Variants in HES5 observed in about 807,000 individuals in gnomAD.
The protein encoded by HES5 is transcription factor HES-5.
Under a neutral mutation model 9.6 loss-of-function variants are expected in HES5, and 12 were observed. The ratio of observed to expected loss-of-function variants is 1.25; its 90% CI spans 0.80 to 2.03. HES5 has a LOEUF of 2.03. Among genes scored for constraint, HES5 ranks in the 30% most tolerant of loss-of-function variants. The pLI is 0.00. For missense variants in HES5, 255 were observed against 218.6 expected, an observed-to-expected ratio of 1.17 and a Z score of -1.05; for synonymous variants, 131 against 102.4, an observed-to-expected ratio of 1.28 and a Z score of -1.69.
chr1:2,530,182 CGACGAGGCGACGCGGGGAGGCCGGGCGA>C lies in HES5; in HGVS notation c.-46_-19del. On this transcript the variant is annotated 5_prime_UTR_variant, in exon 1 of 3. Transcript: ENST00000378453. ...GGGGCCATGCCTGGCGCGGAACAGG[CGACGAGGCGACGCGGGGAGGCCGGGCGA>C]GACGAGGCGAGCGGGCGCGGGCAAG... 2.0e-6 allele frequency: 3 copies of C among 1,473,506 alleles called. No homozygotes were observed. The highest frequency in any genetic ancestry group is 2.7e-6 in the Non-Finnish European group (3 of 1,107,356). 91.3% of individuals were successfully genotyped at this position (1,473,506 alleles called of 1,614,324 possible).
rs201320010 is a variant in HES5 at position 2,529,977 on chromosome 1, T to G, written c.89A>C (p.Asp30Ala). 6.2e-7 allele frequency: 1 copy of G among 1,608,516 alleles called. No individual in the cohort carries two copies. Among genetic ancestry groups the G allele is most frequent in the Non-Finnish European group, 8.5e-7 (1 of 1,177,372 alleles). Reference protein sequence around the residue: ...RKPVVEKMRRDRINSSIEQLK... With the variant: ...RKPVVEKMRRARINSSIEQLK... ...CTGCTCGATGCTGCTGTTGATGCGG[T>G]CGCGGCGCATCTTCTCCACCACCGG... Residue 30 changes from aspartate (D) to alanine (A), a missense_variant, in exon 2 of 3, where the codon GAC becomes GCC. By Grantham distance (126) the Asp-to-Ala change is moderately radical. Transcript: ENST00000378453. This position sits in a 1 kb window ranked among gnomAD's most constrained non-coding sequence, Gnocchi z 4.5.
chr1:2,529,761 C>A lies in HES5; in HGVS notation c.221-12G>T. 3.2e-6 allele frequency: 4 copies of A among 1,237,638 alleles called. No homozygotes were observed. Among genetic ancestry groups the A allele is most frequent in the Non-Finnish European group, 3.0e-6 (3 of 984,820 alleles). 76.7% of individuals were successfully genotyped at this position (1,237,638 alleles called of 1,614,324 possible). A position where few individuals can be genotyped will look rare whatever the true frequency, so the allele number is the denominator to read the frequency against. ...GGCGGCGACGAAGGCTGCGGGGAGA[C>A]GCGGCGGCGGTGAGCGGGCGGCGGG... On this transcript the variant is annotated splice_polypyrimidine_tract_variant and intron_variant, in intron 2 of 2. Coordinates refer to ENST00000378453, the MANE Select transcript of HES5 (RefSeq NM_001010926.4). The surrounding 1 kb of genome is among the most constrained non-coding windows in gnomAD (Gnocchi z 4.5).
chr1:2,529,548 G>A lies in HES5; in HGVS notation c.422C>T (p.Pro141Leu). Residue 141 changes from proline to leucine, a missense_variant, in exon 3 of 3, where the codon CCG (proline) becomes CTG (leucine). By Grantham distance (98) the Pro-to-Leu change is moderately conservative. Coordinates refer to ENST00000378453, the MANE Select transcript of HES5 (RefSeq NM_001010926.4). The surrounding 1 kb of genome is among the most constrained non-coding windows in gnomAD (Gnocchi z 4.5). ...KEPKAPGAAP[P>L]PALSAKATAA... ...GGTGGCCTTGGCGGAGAGCGCGGGC[G>A]GGGGCGCGGCGCCCGGCGCCTTGGG... The A allele has an allele frequency of 9.3e-7, 1 of 1,072,320 alleles. No individual in the cohort carries two copies. The highest frequency in any genetic ancestry group is 6.3e-5 in the East Asian group (1 of 15,826). The allele number at this position is 1,072,320 out of a possible 1,614,324, so 66.4% of individuals were successfully genotyped here.
rs375494532 is a variant in HES5, at chr1:2,529,825, G to C, written c.220+21C>G. On this transcript the variant is annotated intron_variant, in intron 2 of 2. Transcript: ENST00000378453. This position sits in a 1 kb window ranked among gnomAD's most constrained non-coding sequence, Gnocchi z 4.5. ...GGGGCGCGGTGGGAACTCGGGGCGC[G>C]GGGGGCCCGGGCGCGCTCACCTTTG... 1 of 1,396,220 alleles carries C rather than the reference G, an allele frequency of 7.2e-7. No individual in the cohort carries two copies. Among genetic ancestry groups the C allele is most frequent in the African/African-American group, 1.5e-5 (1 of 68,346 alleles). 86.5% of individuals were successfully genotyped at this position (1,396,220 alleles called of 1,614,324 possible). A position where few individuals can be genotyped will look rare whatever the true frequency, so the allele number is the denominator to read the frequency against.
In HES5 at chr1:2,530,095, C is replaced by T; in HGVS notation, c.54+16G>A. 4 of 1,588,328 alleles carry T rather than the reference C, an allele frequency of 2.5e-6. No individual in the cohort carries two copies. Among genetic ancestry groups the T allele is most frequent in the Middle Eastern group, 1.7e-4 (1 of 5,920 alleles). On this transcript the variant is annotated intron_variant, in intron 1 of 2. Transcript: ENST00000378453. ...GAGGCCGCGGGGACAGCGCGCCGGG[C>T]GAGTCTGGTACTTACTCGGTTTTTC...
rs1306481986 is a variant in HES5, at chr1:2,529,145, G to GC, written c.*323dup. ...ACAGGCTGGGGGCAGCAGTGTGCGA[G>GC]CCCCGGCACTACAAATATCATAGAA... On this transcript the variant is annotated 3_prime_UTR_variant, in exon 3 of 3. Transcript: ENST00000378453. The surrounding 1 kb of genome is among the most constrained non-coding windows in gnomAD (Gnocchi z 4.5). 1 of 153,286 alleles carries GC rather than the reference G, an allele frequency of 6.5e-6. No individual in the cohort carries two copies. Among genetic ancestry groups the GC allele is most frequent in the Non-Finnish European group, 1.5e-5 (1 of 68,566 alleles). 9.5% of individuals were successfully genotyped at this position (153,286 alleles called of 1,614,324 possible).
In HES5 at chr1:2,530,094, G is replaced by C. The variant is rs968256278; in HGVS notation, c.54+17C>G. On this transcript the variant is annotated intron_variant, in intron 1 of 2. Transcript: ENST00000378453. ...GGAGGCCGCGGGGACAGCGCGCCGG[G>C]CGAGTCTGGTACTTACTCGGTTTTT... 1 of 1,589,812 alleles carries C rather than the reference G, an allele frequency of 6.3e-7. No individual in the cohort carries two copies. The highest frequency in any genetic ancestry group is 1.3e-5 in the African/African-American group (1 of 74,208).
Position 2,530,250 on chromosome 1 carries a change from G to A in HES5, c.-86C>T. On this transcript the variant is annotated 5_prime_UTR_variant, in exon 1 of 3. Transcript: ENST00000378453. ...GCGCGGGCAAGGCCAAGCGCGTCCCGGGCTGGCGCGGACACCGGCCCCGCG... is the reference window on the plus strand; with the variant it reads ...GCGCGGGCAAGGCCAAGCGCGTCCCAGGCTGGCGCGGACACCGGCCCCGCG... The A allele has an allele frequency of 8.4e-7, 1 of 1,186,170 alleles. No individual in the cohort carries two copies. The highest frequency in any genetic ancestry group is 1.1e-6 in the Non-Finnish European group (1 of 935,586). 73.5% of individuals were successfully genotyped at this position (1,186,170 alleles called of 1,614,324 possible). A position where few individuals can be genotyped will look rare whatever the true frequency, so the allele number is the denominator to read the frequency against.
chr1:2,529,436 T>C lies in HES5; in HGVS notation c.*33A>G, dbSNP rs1643974753. 9.4e-7 allele frequency: 1 copy of C among 1,067,370 alleles called. No homozygotes were observed. The highest frequency in any genetic ancestry group is 1.1e-6 in the Non-Finnish European group (1 of 883,314). 66.1% of individuals were successfully genotyped at this position (1,067,370 alleles called of 1,614,324 possible). Reference sequence around the variant, plus strand: ...CGAGAGGAGCAGGCTCGCCCTCTGGTCGTCGGGCCGCGCGCCCGCAGGTCC... The same window carrying C: ...CGAGAGGAGCAGGCTCGCCCTCTGGCCGTCGGGCCGCGCGCCCGCAGGTCC... On this transcript the variant is annotated 3_prime_UTR_variant, in exon 3 of 3. Transcript: ENST00000378453. The surrounding 1 kb of genome is among the most constrained non-coding windows in gnomAD (Gnocchi z 4.5).
chr1:2,529,649 G>A lies in HES5; in HGVS notation c.321C>T (p.Ala107=). Residue 107 remains alanine, a synonymous_variant, in exon 3 of 3, where the codon GCC becomes GCT. Transcript: ENST00000378453. This position sits in a 1 kb window ranked among gnomAD's most constrained non-coding sequence, Gnocchi z 4.5. ...QEAVQFLTLH[A]ASDTQMKLLY... The stretch of plus-strand genomic sequence containing the variant: ...GCAGCTTCATCTGCGTGTCGCTGGC[G>A]GCGTGGAGCGTCAGGAACTGCACGG... The A allele has an allele frequency of 2.3e-6, 3 of 1,319,884 alleles. No individual in the cohort carries two copies. Among genetic ancestry groups the A allele is most frequent in the Non-Finnish European group, 9.8e-7 (1 of 1,015,890 alleles). The allele number at this position is 1,319,884 out of a possible 1,614,324, so 81.8% of individuals were successfully genotyped here.
chr1:2,529,292 C>T lies in HES5; in HGVS notation c.*177G>A, dbSNP rs1643972853. ...TTGTCCTAAAACGGCAGGGACTCTGCACACACATTCTCTGAGAATGGGGCT... is the reference window on the plus strand; with the variant it reads ...TTGTCCTAAAACGGCAGGGACTCTGTACACACATTCTCTGAGAATGGGGCT... On this transcript the variant is annotated 3_prime_UTR_variant, in exon 3 of 3. Coordinates refer to ENST00000378453, the MANE Select transcript of HES5 (RefSeq NM_001010926.4). The surrounding 1 kb of genome is among the most constrained non-coding windows in gnomAD (Gnocchi z 4.5). 2.2e-6 allele frequency: 1 copy of T among 464,428 alleles called. No individual in the cohort carries two copies. Among genetic ancestry groups the T allele is most frequent in the Non-Finnish European group, 2.9e-6 (1 of 350,558 alleles). 28.8% of individuals were successfully genotyped at this position (464,428 alleles called of 1,614,324 possible). A position where few individuals can be genotyped will look rare whatever the true frequency, so the allele number is the denominator to read the frequency against.
At position 2,529,567 on chromosome 1, in the gene HES5, C is replaced by A. The variant is rs1014849600; in HGVS notation, c.403G>T (p.Ala135Ser). 30 of 1,120,578 alleles carry A rather than the reference C, an allele frequency of 2.7e-5. No homozygotes were observed. In the Middle Eastern group the frequency reaches 1.1e-3, roughly 42 times the overall value. 69.4% of individuals were successfully genotyped at this position (1,120,578 alleles called of 1,614,324 possible). ...APAAPAKEPK[A>S]PGAAPPPALS... ...GCGGGCGGGGGCGCGGCGCCCGGCG[C>A]CTTGGGCTCCTTGGCGGGCGCGGCG... The change falls in exon 3 of 3, where the codon GCG becomes TCG. Residue 135 changes from alanine to serine, a missense_variant. By Grantham distance (99) the Ala-to-Ser change is moderately conservative. Coordinates refer to ENST00000378453, the MANE Select transcript of HES5 (RefSeq NM_001010926.4). The surrounding 1 kb of genome is among the most constrained non-coding windows in gnomAD (Gnocchi z 4.5).
At position 2,529,641 on chromosome 1, in the gene HES5, T is replaced by C; in HGVS notation, c.329A>G (p.Asp110Gly). Reference protein sequence around the residue: ...VQFLTLHAASDTQMKLLYHFQ... With the variant: ...VQFLTLHAASGTQMKLLYHFQ... ...GTGGTACAGCAGCTTCATCTGCGTG[T>C]CGCTGGCGGCGTGGAGCGTCAGGAA... The change falls in exon 3 of 3, where the codon GAC becomes GGC. Residue 110 changes from aspartate (D) to glycine (G), a missense_variant. Asp to Gly is a moderately conservative substitution (Grantham distance 94). Transcript: ENST00000378453. The surrounding 1 kb of genome is among the most constrained non-coding windows in gnomAD (Gnocchi z 4.5). 7.6e-7 allele frequency: 1 copy of C among 1,313,182 alleles called. No individual in the cohort carries two copies. Among genetic ancestry groups the C allele is most frequent in the Non-Finnish European group, 9.9e-7 (1 of 1,012,248 alleles). 81.3% of individuals were successfully genotyped at this position (1,313,182 alleles called of 1,614,324 possible).
In HES5 at chr1:2,529,990, TCTC is replaced by T. The variant is rs1643985572; in HGVS notation, c.73_75del (p.Glu25del). ...CTGTTGATGCGGTCGCGGCGCATCT[TCTC>T]CACCACCGGCTTCCGCAGCTGCGGG... On this transcript the variant is annotated inframe_deletion, in exon 2 of 3. Transcript: ENST00000378453. This position sits in a 1 kb window ranked among gnomAD's most constrained non-coding sequence, Gnocchi z 4.5. 6.2e-7 allele frequency: 1 copy of T among 1,607,034 alleles called. No homozygotes were observed. Among genetic ancestry groups the T allele is most frequent in the African/African-American group, 1.3e-5 (1 of 74,730 alleles).
Position 2,530,193 on chromosome 1 carries a change from C to CG in HES5, c.-30dup, listed in dbSNP as rs919532087. The CG allele has an allele frequency of 4.1e-6, 6 of 1,463,272 alleles. No individual in the cohort carries two copies. The African/African-American group carries it at 7.3e-5, about 18-fold the overall frequency. The allele number at this position is 1,463,272 out of a possible 1,614,324, so 90.6% of individuals were successfully genotyped here. A position where few individuals can be genotyped will look rare whatever the true frequency, so the allele number is the denominator to read the frequency against. ...TGGCGCGGAACAGGCGACGAGGCGACGCGGGGAGGCCGGGCGAGACGAGGC... is the reference window on the plus strand; with the variant it reads ...TGGCGCGGAACAGGCGACGAGGCGACGGCGGGGAGGCCGGGCGAGACGAGGC... On this transcript the variant is annotated 5_prime_UTR_variant, in exon 1 of 3. Transcript: ENST00000378453.
chr1:2,529,915 G>A lies in HES5; in HGVS notation c.151C>T (p.Gln51Ter). ...GCCTTCTCCAGCTTGGAGTTGGGCT[G>A]GTGCCGCGCGAACTCCTGCTCCAGC... ...LLLEQEFARH[Q>*]PNSKLEKADI... Residue 51 changes from glutamine to a stop codon, truncating the protein, a stop_gained, in exon 2 of 3, where the codon CAG becomes TAG. Transcript: ENST00000378453. LOFTEE classifies it high-confidence loss of function. The surrounding 1 kb of genome is among the most constrained non-coding windows in gnomAD (Gnocchi z 4.5). 1 of 1,607,022 alleles carries A rather than the reference G, an allele frequency of 6.2e-7. No homozygotes were observed. The highest frequency in any genetic ancestry group is 8.5e-7 in the Non-Finnish European group (1 of 1,177,306).
rs1643973309 is a variant in HES5 at position 2,529,321 on chromosome 1, G to A, written c.*148C>T. The A allele has an allele frequency of 1.3e-6, 1 of 769,206 alleles. No homozygotes were observed. The highest frequency in any genetic ancestry group is 1.9e-5 in the African/African-American group (1 of 53,086). The allele number at this position is 769,206 out of a possible 1,614,324, so 47.6% of individuals were successfully genotyped here. Reference sequence around the variant, plus strand: ...CACATTCTCTGAGAATGGGGCTCCTGCGGGCCGGCCAGCTTGGGGCCAGAG... The same window carrying A: ...CACATTCTCTGAGAATGGGGCTCCTACGGGCCGGCCAGCTTGGGGCCAGAG... On this transcript the variant is annotated 3_prime_UTR_variant, in exon 3 of 3. Coordinates refer to ENST00000378453, the MANE Select transcript of HES5 (RefSeq NM_001010926.4). The surrounding 1 kb of genome is among the most constrained non-coding windows in gnomAD (Gnocchi z 4.5).
Position 2,529,502 on chromosome 1 carries a change from G to C in HES5, c.468C>G (p.His156Gln), listed in dbSNP as rs1487414460. ...AKATAAAAAA[H>Q]QPACGLWRPW Reference sequence around the variant, plus strand: ...GCCGCCAGAGGCCGCAGGCGGGCTGGTGCGCGGCGGCGGCGGCGGCGGTGG... The same window carrying C: ...GCCGCCAGAGGCCGCAGGCGGGCTGCTGCGCGGCGGCGGCGGCGGCGGTGG... The change falls in exon 3 of 3, where the codon CAC becomes CAG. Residue 156 changes from histidine to glutamine, a missense_variant. Transcript: ENST00000378453. This position sits in a 1 kb window ranked among gnomAD's most constrained non-coding sequence, Gnocchi z 4.5. 1 of 1,058,786 alleles carries C rather than the reference G, an allele frequency of 9.4e-7. No homozygotes were observed. Among genetic ancestry groups the C allele is most frequent in the Non-Finnish European group, 1.1e-6 (1 of 878,396 alleles). 65.6% of individuals were successfully genotyped at this position (1,058,786 alleles called of 1,614,324 possible). A position where few individuals can be genotyped will look rare whatever the true frequency, so the allele number is the denominator to read the frequency against.
chr1:2,528,832 A>C lies in HES5; in HGVS notation c.*637T>G, dbSNP rs1419357638. The C allele has an allele frequency of 6.6e-6, 1 of 152,486 alleles. No homozygotes were observed. Among genetic ancestry groups the C allele is most frequent in the African/African-American group, 2.4e-5 (1 of 41,422 alleles). 9.4% of individuals were successfully genotyped at this position (152,486 alleles called of 1,614,324 possible). On this transcript the variant is annotated 3_prime_UTR_variant, in exon 3 of 3. Coordinates refer to ENST00000378453, the MANE Select transcript of HES5 (RefSeq NM_001010926.4). ...GACTGAGAGTTCAATTTCTGAGTAC[A>C]AAGTCGTGCCCACACGCATCCACCC...
Sources: allele counts gnomAD v4.1 joint callset, GRCh38; gene constraint gnomAD v4.1.1; non-coding constraint Gnocchi (gnomAD v3.1); transcripts MANE v1.5; gene names NCBI Gene and HGNC (gene_info 2026-07-23, HGNC 2026-07-21).